GAS7: variants seen among roughly 807,000 people sequenced by gnomAD.
GAS7 encodes growth arrest-specific protein 7.
GAS7 carries 28 observed loss-of-function variants against 71.1 expected under a neutral mutation model. That is an observed-to-expected ratio of 0.39 (90% CI 0.29 to 0.54). The LOEUF is 0.54. GAS7 is among the 20% of genes least tolerant of loss of function. The probability of loss-of-function intolerance (pLI) is 0.62; values close to 1 mark genes in which losing one functional copy is unlikely to be tolerated. For synonymous variants in GAS7, 258 were observed against 245.8 expected (o/e 1.05, Z -0.46); for missense variants, 436 against 627.8 (o/e 0.69, Z 3.27).
intron 3 of GAS7, among the ~76,000 whole-genome samples, chr17:9,979,026 C>A (rs2070311942): frequency 6.6e-6 from 1 of 152,142 alleles, no homozygotes; most frequent in African/African-American, 2.4e-5. Flanking sequence ...TGCTGGCAGT[C>A]AAAAATATCT....
intron 5 of GAS7, chr17:9,958,797 G>C (rs1198429396): frequency 1.1e-5 from 2 of 190,268 alleles, no homozygotes; most frequent in African/African-American, 2.3e-5. Flanking sequence ...GCTTTCTCTT[G>C]CTTTTTACTT....
chr17:10,116,442 C>T (rs184872399), intron 1 of GAS7, among the ~76,000 whole-genome samples: 5 of 152,204 alleles, frequency 3.3e-5, no homozygotes, highest in African/African-American at 7.2e-5. Flanking sequence ...GGGCTTACCC[C>T]GGGGAATGCA....
At chr17:10,000,201 AC>A (rs1164068588) in intron 2 of GAS7, among the ~76,000 whole-genome samples, 1 of 152,176 alleles carries the variant, frequency 6.6e-6, no homozygotes, top group Non-Finnish European at 1.5e-5. Context: ...TCTGGGTCTC[AC>A]CCCTAGAGTT....
chr17:10,149,227 A>G (rs1030395707), intron 1 of GAS7, among the ~76,000 whole-genome samples: 1 of 152,080 alleles, frequency 6.6e-6, no homozygotes, highest in Non-Finnish European at 1.5e-5. Flanking sequence ...CTGAGCCTAC[A>G]GAGTAGCTGG....
At chr17:10,196,389 A>G (rs1334578900) in intron 1 of GAS7, among the ~76,000 whole-genome samples, 1 of 152,222 alleles carries the variant, frequency 6.6e-6, no homozygotes, top group Non-Finnish European at 1.5e-5. Flanking sequence ...CACTGTGCCA[A>G]GCAGGTGCTC....
At chr17:10,064,350 G>A (rs1438374707) in intron 1 of GAS7, among the ~76,000 whole-genome samples, 5 of 152,200 alleles carry the variant, frequency 3.3e-5, no homozygotes, top group Non-Finnish European at 7.3e-5. Context: ...GGCTCTCGTA[G>A]CATCTGTATG....
At chr17:10,061,548 T>A (rs1256851638) in intron 1 of GAS7, among the ~76,000 whole-genome samples, 2 of 152,228 alleles carry the variant, frequency 1.3e-5, no homozygotes, top group Admixed American at 1.3e-4. Context: ...GACATTTTCG[T>A]GTTTTATTGA....
chr17:9,947,832 AC>A (rs67420333), intron 5 of GAS7, among the ~76,000 whole-genome samples: 13 of 89,624 alleles, frequency 1.5e-4, no homozygotes, highest in Admixed American at 3.4e-4. Context: ...AAGGTTAAAA[AC>A]AAAAAAAAAA....
At chr17:10,042,782 G>C (rs1027818577) in intron 1 of GAS7, among the ~76,000 whole-genome samples, 5 of 152,178 alleles carry the variant, frequency 3.3e-5, no homozygotes, top group Non-Finnish European at 7.3e-5. Context: ...GGCTTGACTG[G>C]AGCCCGAGGA....
intron 3 of GAS7, among the ~76,000 whole-genome samples, chr17:9,973,597 T>G (rs887216766): frequency 6.6e-6 from 1 of 152,198 alleles, no homozygotes; most frequent in African/African-American, 2.4e-5. Context: ...GACTTATAAT[T>G]CTGTATCTTC....
In GAS7 at chr17:9,943,046, TCGCCC is replaced by T. The variant is rs543270450; in HGVS notation, c.731+70_731+74del. 396 of 890,448 alleles carry T rather than the reference TCGCCC, an allele frequency of 4.4e-4. 2 individuals are homozygous for T. In the African/African-American group the frequency reaches 5.8e-3, roughly 13 times the overall value. The allele number at this position is 890,448 out of a possible 1,614,324, so 55.2% of individuals were successfully genotyped here. A position where few individuals can be genotyped will look rare whatever the true frequency, so the allele number is the denominator to read the frequency against. Reference sequence around the variant, plus strand: ...GTGTGCAGTACTGAGTCCTGTGCTGTCGCCCCGCCCCGGCCACGGGGCCCCGGGGA... The same window carrying T: ...GTGTGCAGTACTGAGTCCTGTGCTGTCGCCCCGGCCACGGGGCCCCGGGGA... On this transcript the variant is annotated intron_variant, in intron 7 of 13. Transcript: ENST00000432992.
intron 1 of GAS7, among the ~76,000 whole-genome samples, chr17:10,045,851 G>T (rs150198496): frequency 6.6e-6 from 1 of 152,064 alleles, no homozygotes; most frequent in Non-Finnish European, 1.5e-5. Flanking sequence ...ATCCATCACT[G>T]TGTACCAGCC....
chr17:10,068,670 G>A (rs955986292), intron 1 of GAS7, among the ~76,000 whole-genome samples: 10 of 152,026 alleles, frequency 6.6e-5, no homozygotes, highest in African/African-American at 2.2e-4. Flanking sequence ...AGGCTGAGAT[G>A]GAAGGATTGC....
chr17:10,024,893 T>C (rs1445024409), intron 1 of GAS7, among the ~76,000 whole-genome samples: 3 of 152,162 alleles, frequency 2.0e-5, no homozygotes, highest in African/African-American at 7.2e-5. Flanking sequence ...TGAGCCCAGG[T>C]CCATCTGTAC....
chr17:9,971,641 C>G (rs2069966706), intron 3 of GAS7, among the ~76,000 whole-genome samples: 2 of 152,090 alleles, frequency 1.3e-5, no homozygotes. Flanking sequence ...CCCCAGGAAC[C>G]ACAAGCCTGC....
intron 2 of GAS7, among the ~76,000 whole-genome samples, chr17:9,996,739 A>G (rs1253424830): frequency 6.6e-6 from 1 of 151,718 alleles, no homozygotes; most frequent in Non-Finnish European, 1.5e-5. Context: ...CCCAGGTTCA[A>G]GCGATTCTCC....
chr17:10,196,514 C>G (rs1387174486), intron 1 of GAS7, among the ~76,000 whole-genome samples: 1 of 152,198 alleles, frequency 6.6e-6, no homozygotes, highest in Non-Finnish European at 1.5e-5. Flanking sequence ...GAGGATGGGA[C>G]AGACACACCC....
intron 1 of GAS7, among the ~76,000 whole-genome samples, chr17:10,037,659 C>T (rs1250152152): frequency 6.8e-6 from 1 of 147,520 alleles, no homozygotes; most frequent in African/African-American, 2.5e-5. Flanking sequence ...GCAACGGCTC[C>T]AGCTTCAATT....
At chr17:9,979,512 G>C (rs1483437420) in intron 3 of GAS7, among the ~76,000 whole-genome samples, 1 of 152,188 alleles carries the variant, frequency 6.6e-6, no homozygotes, top group Non-Finnish European at 1.5e-5. Flanking sequence ...CTAAGCCAGG[G>C]ACCGGAGGCA....
Sources: allele counts gnomAD v4.1 joint callset (sites outside exome capture counted in the v4.1 genomes callset), GRCh38; gene constraint gnomAD v4.1.1; transcripts MANE v1.5; gene names NCBI Gene and HGNC (gene_info 2026-07-23, HGNC 2026-07-21).